Variants in TNS1 observed in about 807,000 individuals in gnomAD.
TNS1 encodes the protein tensin-1.
A neutral mutation model predicts 168.6 loss-of-function variants in TNS1; 62 were observed. The observed-to-expected ratio is 0.37, with a 90% confidence interval of 0.30 to 0.45. The LOEUF (loss-of-function observed/expected upper bound fraction) is 0.45. Among genes scored for constraint, TNS1 ranks in the 20% least tolerant of loss-of-function variants. The probability of loss-of-function intolerance (pLI) is 1.00; values close to 1 mark genes in which losing one functional copy is unlikely to be tolerated. For missense variants in TNS1, 2,240 were observed against 2,339.4 expected, an observed-to-expected ratio of 0.96 and a Z score of 0.88; for synonymous variants, 934 against 933.2, an observed-to-expected ratio of 1.00 and a Z score of -0.02.
At chr2:218,013,355 G>A (rs1958726501), upstream of TNS1, among the ~76,000 whole-genome samples, 1 of 152,124 alleles carries the variant, frequency 6.6e-6, no homozygotes, top group Non-Finnish European at 1.5e-5. Flanking sequence ...TCCCCACAGT[G>A]GACCAGACAC....
intron 25 of TNS1, 136 bp downstream of exon 25, chr2:217,814,776 G>T: frequency 1.5e-6 from 1 of 671,202 alleles, no homozygotes; most frequent in South Asian, 1.8e-5. Context: ...CTACTGTCCA[G>T]CTTCAACCCC....
chr2:217,894,441 G>A (rs1952058881), intron 9 of TNS1, among the ~76,000 whole-genome samples: 1 of 152,230 alleles, frequency 6.6e-6, no homozygotes, highest in Admixed American at 6.5e-5. Context: ...CAGATCACTT[G>A]AGGCCAGGAG....
chr2:217,901,773 G>A (rs201549553), intron 6 of TNS1: 4 of 152,214 alleles, frequency 2.6e-5, no homozygotes, highest in East Asian at 3.9e-4. Context: ...GCTTGACCAC[G>A]GGGTCTCCAA....
Position 217,808,126 on chromosome 2 carries a change from CT to C in TNS1, c.5343-20del. On this transcript the variant is annotated intron_variant, in intron 31 of 32. Coordinates refer to ENST00000682258, the MANE Select transcript of TNS1 (RefSeq NM_001387777.1). ...CATCCACCTGTGGAGAGAAAGTGGGCTCAGGGTAAATCATCGTACTTTCTCC... is the reference window on the plus strand; with the variant it reads ...CATCCACCTGTGGAGAGAAAGTGGGCCAGGGTAAATCATCGTACTTTCTCC... The C allele has an allele frequency of 6.2e-7, 1 of 1,612,402 alleles. No homozygotes were observed.
chr2:217,926,134 G>A (rs1391818906), intron 3 of TNS1, among the ~76,000 whole-genome samples: 1 of 152,180 alleles, frequency 6.6e-6, no homozygotes, highest in Non-Finnish European at 1.5e-5. Context: ...ACAGGGAGAA[G>A]GCGGCATCTC....
intron 4 of TNS1, among the ~76,000 whole-genome samples, chr2:217,918,392 G>A (rs528637273): frequency 1.4e-4 from 21 of 152,326 alleles, no homozygotes; most frequent in African/African-American, 3.1e-4. Flanking sequence ...TGGGAGCACC[G>A]TCTGGTGACA....
intron 19 of TNS1, among the ~76,000 whole-genome samples, chr2:217,836,511 C>G (rs904349615): frequency 6.6e-6 from 1 of 152,164 alleles, no homozygotes; most frequent in Admixed American, 6.5e-5. Context: ...CAACTACTTC[C>G]AACCCCTGGA....
intron 1 of TNS1, among the ~76,000 whole-genome samples, chr2:218,008,313 C>G (rs991468022): frequency 5.9e-5 from 9 of 152,240 alleles, no homozygotes; most frequent in African/African-American, 2.2e-4. Flanking sequence ...CACCCCCGAC[C>G]CCCAGTCGCC....
chr2:217,808,038 G>T (rs1315148793), intron 32 of TNS1, 37 bp downstream of exon 32: 2 of 1,612,208 alleles, frequency 1.2e-6, no homozygotes, highest in African/African-American at 2.7e-5. Context: ...AAGTACAAAG[G>T]CCAGCCTGCT....
intron 22 of TNS1, 45 bp from the exon 23 acceptor site, chr2:217,821,983 G>A (rs187807540): frequency 1.3e-6 from 2 of 1,531,792 alleles, no homozygotes; most frequent in Non-Finnish European, 1.8e-6. Flanking sequence ...AGATGCACAG[G>A]GGTGCAGTGC....
chr2:217,815,321 A>G (rs1189014377), intron 24 of TNS1: 1 of 301,896 alleles, frequency 3.3e-6, no homozygotes, highest in Non-Finnish European at 6.4e-6. Flanking sequence ...AAACTGGGAG[A>G]GAGGCCTGGG....
At position 217,991,023 on chromosome 2, in the gene TNS1, A is replaced by C. The variant is rs1958353125; in HGVS notation, c.67T>G (p.Phe23Val). 3 of 694,162 alleles carry C rather than the reference A, an allele frequency of 4.3e-6. No homozygotes were observed. Among genetic ancestry groups the C allele is most frequent in the Non-Finnish European group, 7.9e-6 (3 of 378,624 alleles). 43.0% of individuals were successfully genotyped at this position (694,162 alleles called of 1,614,324 possible). Residue 23 changes from phenylalanine (F) to valine (V), a missense_variant, in exon 2 of 33, where the codon TTC becomes GTC. Transcript: ENST00000682258. Reference sequence around the variant, plus strand: ...ACCTTCTTGAAGGTCTTCACCTTGAAGCGGTGTGTCTTGGGGGCCTCCAGA... The same window carrying C: ...ACCTTCTTGAAGGTCTTCACCTTGACGCGGTGTGTCTTGGGGGCCTCCAGA... ...EDLEAPKTHR[F>V]KVKTFKKVKP...
rs1271417746 is a variant in TNS1 at position 217,835,136 on chromosome 2, C to T, written c.3235G>A (p.Glu1079Lys). 5 of 1,591,370 alleles carry T rather than the reference C, an allele frequency of 3.1e-6. No homozygotes were observed. The highest frequency in any genetic ancestry group is 1.4e-5 in the African/African-American group (1 of 73,322). ...PHLHSYKEAF[E>K]EMEGTSPSSP... ...CTCGGGGAGGTTCCCTCCATCTCCT[C>T]GAAGGCCTCCTTGTAGCTGTGCAAA... Residue 1079 changes from glutamate to lysine, a missense_variant, in exon 21 of 33, where the codon GAG (glutamate) becomes AAG (lysine). Glu to Lys is a moderately conservative substitution (Grantham distance 56). Coordinates refer to ENST00000682258, the MANE Select transcript of TNS1 (RefSeq NM_001387777.1).
At chr2:217,823,998 A>C (rs1360730430) in intron 22 of TNS1, among the ~76,000 whole-genome samples, 1 of 152,236 alleles carries the variant, frequency 6.6e-6, no homozygotes, top group Non-Finnish European at 1.5e-5. Flanking sequence ...CAATGCAGAT[A>C]TCCCCTGACC....
chr2:217,905,206 C>T (rs1953509071), intron 6 of TNS1: 2 of 267,520 alleles, frequency 7.5e-6, no homozygotes, highest in Admixed American at 1.0e-4. Flanking sequence ...ATTAGGTTCC[C>T]CCTGCACCCC....
chr2:217,813,020 A>G lies in TNS1; in HGVS notation c.4954+195T>C, dbSNP rs549814362. ...AGTCCCAGCTGGGTCGGACAAACAC[A>G]GACTGCAGTTTGGCAGAGTTAGGAG... On this transcript the variant is annotated intron_variant, in intron 27 of 32. Coordinates refer to ENST00000682258, the MANE Select transcript of TNS1 (RefSeq NM_001387777.1). The surrounding 1 kb of genome is among the most constrained non-coding windows in gnomAD (Gnocchi z 4.0). 6.6e-6 allele frequency among the ~76,000 whole-genome samples: 1 copy of G among 152,258 alleles called. No homozygotes were observed. Among genetic ancestry groups the G allele is most frequent in the Non-Finnish European group, 1.5e-5 (1 of 68,044 alleles).
chr2:218,007,153 A>G (rs1958665449), upstream of TNS1, among the ~76,000 whole-genome samples: 1 of 152,158 alleles, frequency 6.6e-6, no homozygotes, highest in Non-Finnish European at 1.5e-5. Context: ...ACCAGTGTCC[A>G]GGTAAAGATC....
At chr2:218,031,838 C>T (rs965341825) in intron 1 of TNS1, among the ~76,000 whole-genome samples, 20 of 152,204 alleles carry the variant, frequency 1.3e-4, no homozygotes, top group African/African-American at 4.8e-4. Flanking sequence ...AACGTCTAAC[C>T]TCAGTAGTTC....
At chr2:217,934,511 T>C (rs1956499195) in intron 3 of TNS1, among the ~76,000 whole-genome samples, 1 of 152,080 alleles carries the variant, frequency 6.6e-6, no homozygotes, top group Non-Finnish European at 1.5e-5. Flanking sequence ...TGCACCCCCA[T>C]CCCCAGCACA....
Sources: gnomAD v4.1 joint callset for allele counts (sites outside exome capture counted in the v4.1 genomes callset) on GRCh38, gnomAD v4.1.1 for gene constraint, Gnocchi (gnomAD v3.1) non-coding constraint, MANE v1.5 for transcripts, NCBI Gene and HGNC (gene_info 2026-07-23, HGNC 2026-07-21) for gene names.